CMPK2: variants seen among roughly 807,000 people sequenced by gnomAD.
CMPK2 encodes cytidine/uridine monophosphate kinase 2, also known as UMP-CMP kinase 2, mitochondrial.
Under a neutral mutation model 33.4 loss-of-function variants are expected in CMPK2, and 32 were observed. That is an observed-to-expected ratio of 0.96 (90% CI 0.72 to 1.29). CMPK2 has a LOEUF of 1.29. CMPK2 is among the 50% of genes most tolerant of loss of function. CMPK2 has a pLI of 0.00. For synonymous variants in CMPK2, 299 were observed against 275.3 expected (o/e 1.09, Z -0.85); for missense variants, 672 against 616.0 (o/e 1.09, Z -0.96).
chr2:6,866,010 T>G, upstream of CMPK2: 2 of 558,556 alleles, frequency 3.6e-6, no homozygotes, highest in Non-Finnish European at 5.4e-6. Flanking sequence ...CTCCCGGGGC[T>G]GACACCGAAT....
chr2:6,855,499 C>G (rs907552607), intron 3 of CMPK2, among the ~76,000 whole-genome samples: 2 of 152,056 alleles, frequency 1.3e-5, no homozygotes, highest in East Asian at 1.9e-4. Flanking sequence ...GTATCAGGTA[C>G]GTCTTTATAG....
At chr2:6,841,414 C>A (rs1374040400) in intron 3 of CMPK2, among the ~76,000 whole-genome samples, 3 of 152,064 alleles carry the variant, frequency 2.0e-5, no homozygotes, top group Admixed American at 6.5e-5. Context: ...TGAGGCAGAT[C>A]TTATAAGCAT....
Position 6,865,413 on chromosome 2 carries a change from T to A in CMPK2, c.284A>T (p.His95Leu), listed in dbSNP as rs954855529. 3.0e-5 allele frequency: 40 copies of A among 1,324,850 alleles called. No individual in the cohort carries two copies. Among genetic ancestry groups the A allele is most frequent in the Non-Finnish European group, 3.8e-5 (40 of 1,044,702 alleles). The allele number at this position is 1,324,850 out of a possible 1,614,324, so 82.1% of individuals were successfully genotyped here. A position where few individuals can be genotyped will look rare whatever the true frequency, so the allele number is the denominator to read the frequency against. ...GCGCAGCTGGTGCAGCAGGCGCTGG[T>A]GCAGCCGCGCCGCCCGGACCCGGGC... ...CGARVRAARL[H>L]QRLLHQLRRG... The change falls in exon 1 of 5, where the codon CAC becomes CTC. Residue 95 changes from histidine to leucine, a missense_variant. Physicochemically the swap from His to Leu is moderately conservative, Grantham distance 99 (BLOSUM62 -3). Transcript: ENST00000256722.
At chr2:6,851,740 T>C in intron 3 of CMPK2, 57 bp from the exon 4 acceptor site, 1 of 1,526,976 alleles carries the variant, frequency 6.5e-7, no homozygotes, top group Non-Finnish European at 9.0e-7. Flanking sequence ...AAGTAGCATC[T>C]GAAAATCAGC....
chr2:6,840,623 C>G (rs1157096771), exon 4 of CMPK2: 2 of 702,238 alleles, frequency 2.8e-6, no homozygotes, highest in Non-Finnish European at 5.2e-6. Flanking sequence ...GTCCCACAAA[C>G]TTCACTGCCG....
intron 3 of CMPK2, among the ~76,000 whole-genome samples, chr2:6,860,344 T>C (rs150448096): frequency 2.0e-5 from 3 of 152,250 alleles, no homozygotes; most frequent in Admixed American, 6.5e-5. Context: ...GACATGAGAT[T>C]TGGGAGAGGC....
At chr2:6,843,345 T>TG (rs1252000303), downstream of CMPK2, among the ~76,000 whole-genome samples, 1 of 152,214 alleles carries the variant, frequency 6.6e-6, no homozygotes, top group African/African-American at 2.4e-5. Flanking sequence ...ATGGAGGTCC[T>TG]GAACTAGTAT....
Position 6,865,818 on chromosome 2 carries a change from T to A in CMPK2, c.-122A>T. ...GCCAGCGGGAAACGAAAGCGAAGCG[T>A]TGCGGGGAAACGAAAGCCGGAGGCC... is the stretch of plus-strand genomic sequence containing the variant. On this transcript the variant is annotated 5_prime_UTR_variant, in exon 1 of 5. Transcript: ENST00000256722. 7.9e-7 allele frequency: 1 copy of A among 1,269,230 alleles called. No homozygotes were observed. Among genetic ancestry groups the A allele is most frequent in the Non-Finnish European group, 9.9e-7 (1 of 1,006,672 alleles). 78.6% of individuals were successfully genotyped at this position (1,269,230 alleles called of 1,614,324 possible).
intron 4 of CMPK2, chr2:6,850,707 T>C (rs1027590746): frequency 2.1e-6 from 2 of 967,102 alleles, no homozygotes; most frequent in Non-Finnish European, 2.5e-6. Context: ...TTGCTTAACA[T>C]AATATCTTTA....
intron 3 of CMPK2, among the ~76,000 whole-genome samples, chr2:6,853,867 A>T (rs552073586): frequency 5.9e-4 from 89 of 152,018 alleles, no homozygotes; most frequent in Admixed American, 1.2e-3. Flanking sequence ...GCGCCACTGC[A>T]CTCCAGCCTG....
intron 3 of CMPK2, among the ~76,000 whole-genome samples, chr2:6,854,016 C>CA (rs1662609295): frequency 6.6e-6 from 1 of 152,170 alleles, no homozygotes; most frequent in Admixed American, 6.5e-5. Flanking sequence ...CTGCCAGCTC[C>CA]TGTGAATTCT....
rs1662429136 is a variant in CMPK2, at chr2:6,848,861, T to C, written c.*989A>G. 31 of 985,866 alleles carry C rather than the reference T, an allele frequency of 3.1e-5. No homozygotes were observed. Among genetic ancestry groups the C allele is most frequent in the Non-Finnish European group, 3.1e-5 (26 of 829,924 alleles). The allele number at this position is 985,866 out of a possible 1,614,324, so 61.1% of individuals were successfully genotyped here. On this transcript the variant is annotated 3_prime_UTR_variant, in exon 5 of 5. Coordinates refer to ENST00000256722, the MANE Select transcript of CMPK2 (RefSeq NM_207315.4). ...AATCATGAGACATTCAAGTGCAAGATAATTTACCAAGAAATCCCACTCCAA... is the reference window on the plus strand; with the variant it reads ...AATCATGAGACATTCAAGTGCAAGACAATTTACCAAGAAATCCCACTCCAA...
At chr2:6,860,030 G>C (rs756885612) in intron 3 of CMPK2, among the ~76,000 whole-genome samples, 5 of 152,252 alleles carry the variant, frequency 3.3e-5, no homozygotes, top group Non-Finnish European at 7.3e-5. Context: ...GAGAAATAGA[G>C]TCAAAGGAGA....
In CMPK2 at chr2:6,865,263, G is replaced by T. The variant is rs1429376544; in HGVS notation, c.434C>A (p.Ala145Glu). 3.3e-6 allele frequency: 5 copies of T among 1,537,710 alleles called. No individual in the cohort carries two copies. The Admixed American group carries it at 9.5e-5, about 29-fold the overall frequency. Residue 145 changes from alanine (A) to glutamate (E), a missense_variant, in exon 1 of 5, where the codon GCG becomes GAG. Physicochemically the swap from Ala to Glu is moderately radical, Grantham distance 107 (BLOSUM62 -1). Transcript: ENST00000256722. ...DPLDDPDTRQ[A>E]LLELLGACQE... ...ACAGGCGCCCAGCAGCTCGAGCAGC[G>T]CTTGCCGGGTGTCAGGGTCATCCAG...
intron 3 of CMPK2, among the ~76,000 whole-genome samples, chr2:6,841,576 C>T (rs1033660085): frequency 6.6e-6 from 1 of 152,150 alleles, no homozygotes; most frequent in Non-Finnish European, 1.5e-5. Flanking sequence ...ATTTGCCATC[C>T]TCTGATTGTA....
intron 3 of CMPK2, among the ~76,000 whole-genome samples, chr2:6,860,835 C>T (rs561428344): frequency 4.0e-4 from 61 of 152,234 alleles, no homozygotes; most frequent in Admixed American, 7.8e-4. Flanking sequence ...TTAATGTCCC[C>T]GGTATGCTAT....
chr2:6,854,142 T>C (rs1027941401), intron 3 of CMPK2, among the ~76,000 whole-genome samples: 1 of 152,144 alleles, frequency 6.6e-6, no homozygotes, highest in Non-Finnish European at 1.5e-5. Context: ...CCAATTAGGG[T>C]CTCAGTTTTC....
At chr2:6,866,469 T>G (rs1663094003), upstream of CMPK2, 1 of 985,550 alleles carries the variant, frequency 1.0e-6, no homozygotes, top group African/African-American at 1.7e-5. Flanking sequence ...CCCTCTCCCT[T>G]TTGCTGACTC....
Position 6,865,747 on chromosome 2 carries a change from C to A in CMPK2, c.-51G>T, listed in dbSNP as rs1231100645. On this transcript the variant is annotated 5_prime_UTR_variant, in exon 1 of 5. Transcript: ENST00000256722. Reference sequence around the variant, plus strand: ...GCCCCGCCTCGGAAACGAAACCTGGCGGGAGCCAGGCGCCGGCGGGAAACG... The same window carrying A: ...GCCCCGCCTCGGAAACGAAACCTGGAGGGAGCCAGGCGCCGGCGGGAAACG... 5.5e-6 allele frequency: 7 copies of A among 1,275,592 alleles called. No individual in the cohort carries two copies. The highest frequency in any genetic ancestry group is 3.1e-5 in the African/African-American group (2 of 63,796). The allele number at this position is 1,275,592 out of a possible 1,614,324, so 79.0% of individuals were successfully genotyped here.
Sources: gnomAD v4.1 joint callset for allele counts (sites outside exome capture counted in the v4.1 genomes callset) on GRCh38, gnomAD v4.1.1 for gene constraint, MANE v1.5 for transcripts, NCBI Gene and HGNC (gene_info 2026-07-23, HGNC 2026-07-21) for gene names.